The following RPH3A variants were observed in gnomAD, a reference collection of about 807,000 sequenced individuals.
RPH3A encodes rabphilin 3A, also known as rabphilin-3A.
RPH3A carries 48 observed loss-of-function variants against 102.2 expected under a neutral mutation model. The ratio of observed to expected loss-of-function variants is 0.47; its 90% confidence interval spans 0.37 to 0.60. The LOEUF is 0.60. RPH3A is among the 20% of genes least tolerant of loss of function. The pLI is 0.00. For synonymous variants in RPH3A, 310 were observed against 324.3 expected (o/e 0.96, Z 0.47); for missense variants, 781 against 910.1 (o/e 0.86, Z 1.83).
chr12:112,633,952 G>T (rs2039826389), intron 1 of RPH3A, among the ~76,000 whole-genome samples: 1 of 152,128 alleles, frequency 6.6e-6, no homozygotes. Flanking sequence ...ATCATGAGAT[G>T]GCTTTCAAGT....
chr12:112,715,020 A>G (rs2040504211), intron 1 of RPH3A, among the ~76,000 whole-genome samples: 1 of 151,924 alleles, frequency 6.6e-6, no homozygotes, highest in Non-Finnish European at 1.5e-5. Flanking sequence ...CTTCTCTGAT[A>G]TATCTAATCT....
intron 1 of RPH3A, among the ~76,000 whole-genome samples, chr12:112,663,724 C>T (rs1317521943): frequency 2.0e-5 from 3 of 152,092 alleles, no homozygotes; most frequent in Non-Finnish European, 4.4e-5. Context: ...CATTCAAAAT[C>T]AGGAGTCCAG....
intron 4 of RPH3A, among the ~76,000 whole-genome samples, chr12:112,840,853 T>C (rs2042129356): frequency 6.6e-6 from 1 of 152,122 alleles, no homozygotes; most frequent in Non-Finnish European, 1.5e-5. Context: ...ACATGGCACG[T>C]TGTTCTTTGC....
intron 1 of RPH3A, among the ~76,000 whole-genome samples, chr12:112,602,331 C>T (rs778785387): frequency 6.6e-6 from 1 of 152,046 alleles, no homozygotes; most frequent in Non-Finnish European, 1.5e-5. Context: ...GAAAGCCTGC[C>T]GCCCAGGCTC....
At chr12:112,806,208 C>G (rs1358206641) in intron 2 of RPH3A, among the ~76,000 whole-genome samples, 1 of 152,134 alleles carries the variant, frequency 6.6e-6, no homozygotes, top group Admixed American at 6.5e-5. Flanking sequence ...GGAAGAGATA[C>G]CACTTGGAGT....
chr12:112,824,877 G>A (rs2041841022), intron 2 of RPH3A, among the ~76,000 whole-genome samples: 1 of 152,138 alleles, frequency 6.6e-6, no homozygotes, highest in Non-Finnish European at 1.5e-5. Flanking sequence ...TGAGGATGAT[G>A]GAATTTGGAG....
intron 5 of RPH3A, among the ~76,000 whole-genome samples, chr12:112,862,672 C>T (rs1277932154): frequency 3.3e-5 from 5 of 151,900 alleles, no homozygotes; most frequent in African/African-American, 1.2e-4. Context: ...CCTCCTCAAG[C>T]GGTTCTGTGC....
intron 1 of RPH3A, chr12:112,718,009 A>G (rs922226490): frequency 6.6e-6 from 1 of 152,196 alleles, no homozygotes; most frequent in Non-Finnish European, 1.5e-5. Flanking sequence ...TCTCCAGGCA[A>G]CGTTCGTTCT....
At chr12:112,760,116 T>C (rs1226085125) in intron 1 of RPH3A, among the ~76,000 whole-genome samples, 2 of 152,140 alleles carry the variant, frequency 1.3e-5, no homozygotes, top group African/African-American at 4.8e-5. Context: ...AAAACACACA[T>C]TGAGCCCCAC....
chr12:112,874,873 ACTG>A, intron 10 of RPH3A: 5 of 532,058 alleles, frequency 9.4e-6, no homozygotes, highest in South Asian at 5.2e-5. Context: ...CTTTTTAACA[ACTG>A]CTGCTGCTGT....
intron 1 of RPH3A, among the ~76,000 whole-genome samples, chr12:112,741,477 A>G (rs2040708935): frequency 6.6e-6 from 1 of 152,212 alleles, no homozygotes; most frequent in Admixed American, 6.5e-5. Flanking sequence ...TTGTAGACAT[A>G]GAGCTGTCTT....
rs117314825 is a variant in RPH3A, at chr12:112,749,443, C to T, written c.-139-42700C>T. On this transcript the variant is annotated intron_variant, in intron 1 of 21. Coordinates refer to the RPH3A transcript ENST00000543106. ...GTAAAAGGAGGCAATTGAACTCAAT[C>T]ATCTTTCAGTTCCCTTTCTACTCTC... is the stretch of plus-strand genomic sequence containing the variant. 1.6e-4 allele frequency among the ~76,000 whole-genome samples: 25 copies of T among 152,290 alleles called. No individual in the cohort carries two copies. In the East Asian group the frequency reaches 4.4e-3, roughly 27 times the overall value.
chr12:112,669,411 A>T (rs969531899), intron 1 of RPH3A, among the ~76,000 whole-genome samples: 4 of 152,250 alleles, frequency 2.6e-5, no homozygotes, highest in Non-Finnish European at 5.9e-5. Context: ...GTTCAAAGAA[A>T]TGTTGGCCAA....
In RPH3A at chr12:112,897,332, C is replaced by G. The variant is rs2043197920; in HGVS notation, c.*552C>G. On this transcript the variant is annotated 3_prime_UTR_variant, in exon 22 of 22. Transcript: ENST00000389385. ...TGCCAGGAAAACAGACTGCTGTGTT[C>G]AGTAACACACCCTCCCTGCTCCAAG... 6.5e-6 allele frequency: 1 copy of G among 153,852 alleles called. No individual in the cohort carries two copies. 9.5% of individuals were successfully genotyped at this position (153,852 alleles called of 1,614,324 possible).
In RPH3A at chr12:112,876,791, C is replaced by T. The variant is rs759293425; in HGVS notation, c.1096C>T (p.Pro366Ser). The change falls in exon 13 of 22, where the codon CCT (proline) becomes TCT (serine). Residue 366 changes from proline to serine, a missense_variant. Physicochemically the swap from Pro to Ser is moderately conservative, Grantham distance 74. Coordinates refer to ENST00000389385, the MANE Select transcript of RPH3A (RefSeq NM_001143854.2). ...CCAAGCATCTGCAGCTGCCCCCCAG[C>T]CTGCTGCAGCCCGCCAGCCACCACC... The part of the protein sequence containing the change: ...YSQASAAAPQ[P>S]AAARQPPPPE... 2 of 1,610,222 alleles carry T rather than the reference C, an allele frequency of 1.2e-6. No homozygotes were observed. The highest frequency in any genetic ancestry group is 2.2e-5 in the East Asian group (1 of 44,620).
intron 1 of RPH3A, among the ~76,000 whole-genome samples, chr12:112,767,858 G>A (rs1028263659): frequency 3.3e-5 from 5 of 152,120 alleles, no homozygotes; most frequent in South Asian, 2.1e-4. Flanking sequence ...AAAGAAACCT[G>A]CTGCAAAAGG....
chr12:112,686,793 C>G (rs1408699232), intron 1 of RPH3A, among the ~76,000 whole-genome samples: 1 of 152,164 alleles, frequency 6.6e-6, no homozygotes, highest in Non-Finnish European at 1.5e-5. Flanking sequence ...AGCAATAGAT[C>G]ACTGGTATGC....
chr12:112,885,438 A>G lies in RPH3A; in HGVS notation c.1436+2036A>G, dbSNP rs187824553. Among the ~76,000 whole-genome samples, 3 of 152,314 alleles carry G rather than the reference A, an allele frequency of 2.0e-5. No individual in the cohort carries two copies. In the East Asian group the frequency reaches 5.8e-4, roughly 29 times the overall value. Reference sequence around the variant, plus strand: ...GTGGTTCCAAATTTCCCTGATGACTAAGTACAACACTTTCTCTAATGTACA... The same window carrying G: ...GTGGTTCCAAATTTCCCTGATGACTGAGTACAACACTTTCTCTAATGTACA... On this transcript the variant is annotated intron_variant, in intron 16 of 21. Transcript: ENST00000389385.
intron 1 of RPH3A, among the ~76,000 whole-genome samples, chr12:112,682,020 G>A (rs1371092415): frequency 2.0e-5 from 3 of 152,220 alleles, no homozygotes; most frequent in Non-Finnish European, 4.4e-5. Context: ...GACAAGACCA[G>A]CTGCTGCAAC....
Sources: gnomAD v4.1 joint callset for allele counts (sites outside exome capture counted in the v4.1 genomes callset) on GRCh38, gnomAD v4.1.1 for gene constraint, MANE v1.5 for transcripts, NCBI Gene and HGNC (gene_info 2026-07-23, HGNC 2026-07-21) for gene names.